PLCL2: variants seen among roughly 807,000 people sequenced by gnomAD.
PLCL2 encodes the protein phospholipase C like 2.
PLCL2 carries 4 observed loss-of-function variants against 79.6 expected under a neutral mutation model. That is an observed-to-expected ratio of 0.05 (90% CI 0.02 to 0.11). The LOEUF (loss-of-function observed/expected upper bound fraction) is 0.11, where lower values mean the gene tolerates loss of function less well. Among genes scored for constraint, PLCL2 ranks in the 10% least tolerant of loss-of-function variants. The pLI is 1.00. For missense variants in PLCL2, 895 were observed against 1,291.0 expected (o/e 0.69, Z 4.70); for synonymous variants, 484 against 457.7 (o/e 1.06, Z -0.73).
chr3:17,009,145 C>T lies in PLCL2; in HGVS notation c.328-529C>T, dbSNP rs564433488. Reference sequence around the variant, plus strand: ...GATTACAGGCACCCGCCACCATGCCCGGCTAATTTTTGTATTTTTAGTAGA... The same window carrying T: ...GATTACAGGCACCCGCCACCATGCCTGGCTAATTTTTGTATTTTTAGTAGA... On this transcript the variant is annotated intron_variant, in intron 1 of 5. Transcript: ENST00000615277. This position sits in a 1 kb window ranked among gnomAD's most constrained non-coding sequence, Gnocchi z 4.0. 2.3e-3 allele frequency among the ~76,000 whole-genome samples: 354 copies of T among 152,136 alleles called. 3 individuals carry two copies. Among genetic ancestry groups the T allele is most frequent in the Non-Finnish European group, 3.9e-3 (264 of 67,994 alleles).
chr3:16,971,195 G>T (rs953925239), intron 1 of PLCL2, among the ~76,000 whole-genome samples: 8 of 151,438 alleles, frequency 5.3e-5, no homozygotes, highest in Admixed American at 4.6e-4. Context: ...TATGGTTTTA[G>T]GTCTAATGTT....
chr3:16,945,737 A>G lies in PLCL2; in HGVS notation c.327+60371A>G, dbSNP rs185302728. On this transcript the variant is annotated intron_variant, in intron 1 of 5. Coordinates refer to ENST00000615277, the MANE Select transcript of PLCL2 (RefSeq NM_001144382.2). ...AATGAATATGTTAACATCAGCAGTC[A>G]TCGGTCATATAGCCACTCTGTTTCC... Among the ~76,000 whole-genome samples the G allele has an allele frequency of 3.2e-3, 493 of 152,350 alleles. 3 individuals are homozygous for G. The highest frequency in any genetic ancestry group is 0.011 in the African/African-American group (452 of 41,590).
At chr3:17,023,543 C>T (rs1164848414) in intron 3 of PLCL2, among the ~76,000 whole-genome samples, 1 of 152,168 alleles carries the variant, frequency 6.6e-6, no homozygotes, top group African/African-American at 2.4e-5. Flanking sequence ...CTTATTCTCT[C>T]TTGCCACCAC....
chr3:17,040,833 C>T (rs2064712242), intron 3 of PLCL2, among the ~76,000 whole-genome samples: 1 of 152,140 alleles, frequency 6.6e-6, no homozygotes, highest in South Asian at 2.1e-4. Context: ...ATGTGTGAGC[C>T]TCTGCTTAAT....
intron 3 of PLCL2, among the ~76,000 whole-genome samples, chr3:17,022,257 T>A (rs1467549728): frequency 2.0e-5 from 3 of 152,226 alleles, no homozygotes; most frequent in Admixed American, 6.5e-5. Context: ...ACTACATTTT[T>A]TATAAAACTA....
At chr3:16,941,872 A>G (rs1166951597) in intron 1 of PLCL2, among the ~76,000 whole-genome samples, 8 of 152,168 alleles carry the variant, frequency 5.3e-5, no homozygotes, top group Admixed American at 6.5e-5. Flanking sequence ...GCACAGTAAA[A>G]AAAAAAAGGC....
intron 4 of PLCL2, among the ~76,000 whole-genome samples, chr3:17,064,312 TTC>T (rs1429641538): frequency 1.0e-4 from 15 of 150,724 alleles, no homozygotes; most frequent in Non-Finnish European, 8.9e-5. Context: ...TATAATCTCA[TTC>T]TCTCTCTCTC....
chr3:16,893,329 G>C (rs1293249403), intron 1 of PLCL2, among the ~76,000 whole-genome samples: 1 of 152,066 alleles, frequency 6.6e-6, no homozygotes, highest in African/African-American at 2.4e-5. Context: ...ACTAGTAATG[G>C]TTTGTTTTTT....
intron 1 of PLCL2, among the ~76,000 whole-genome samples, chr3:16,912,303 A>G (rs976072231): frequency 6.6e-6 from 1 of 152,142 alleles, no homozygotes; most frequent in Non-Finnish European, 1.5e-5. Flanking sequence ...CTTTAACCTT[A>G]GAAGCAAAAC....
chr3:17,089,992 C>G lies in PLCL2; in HGVS notation c.*80C>G. Reference sequence around the variant, plus strand: ...AGATGGGACATTTGCTTTGCACTCACTAATGAGAATAATATTCGGGATTTT... The same window carrying G: ...AGATGGGACATTTGCTTTGCACTCAGTAATGAGAATAATATTCGGGATTTT... On this transcript the variant is annotated 3_prime_UTR_variant, in exon 6 of 6. Coordinates refer to ENST00000615277, the MANE Select transcript of PLCL2 (RefSeq NM_001144382.2). 6.8e-7 allele frequency: 1 copy of G among 1,470,728 alleles called. No homozygotes were observed. 91.1% of individuals were successfully genotyped at this position (1,470,728 alleles called of 1,614,324 possible).
At chr3:16,980,690 G>A (rs1008173248) in intron 1 of PLCL2, among the ~76,000 whole-genome samples, 1 of 152,120 alleles carries the variant, frequency 6.6e-6, no homozygotes, top group South Asian at 2.1e-4. Context: ...CATCCCAGAC[G>A]ATGGGCGGCC....
intron 3 of PLCL2, among the ~76,000 whole-genome samples, chr3:17,030,468 T>C (rs1391985695): frequency 6.6e-6 from 1 of 152,220 alleles, no homozygotes; most frequent in Non-Finnish European, 1.5e-5. Context: ...CCCACTTTGT[T>C]ATTTATACAG....
intron 4 of PLCL2, among the ~76,000 whole-genome samples, chr3:17,045,411 A>G (rs527301332): frequency 1.3e-5 from 2 of 152,264 alleles, no homozygotes; most frequent in East Asian, 1.9e-4. Flanking sequence ...TGTGTAATCT[A>G]TTTTTTACAT....
chr3:17,058,872 A>T (rs1307705458), intron 4 of PLCL2, among the ~76,000 whole-genome samples: 1 of 152,186 alleles, frequency 6.6e-6, no homozygotes, highest in Admixed American at 6.6e-5. Context: ...AGATGTTTGT[A>T]TTAAAGACCC....
chr3:17,084,684 G>T (rs566120215), intron 5 of PLCL2, among the ~76,000 whole-genome samples: 1 of 152,296 alleles, frequency 6.6e-6, no homozygotes, highest in East Asian at 1.9e-4. Context: ...AAAGCTCGTG[G>T]TTGTATCAGT....
intron 1 of PLCL2, among the ~76,000 whole-genome samples, chr3:16,945,801 G>A (rs555742969): frequency 2.0e-5 from 3 of 152,288 alleles, no homozygotes; most frequent in African/African-American, 7.2e-5. Flanking sequence ...AGACCCTGGG[G>A]TCATGGTTCC....
At chr3:17,045,758 G>C (rs2064773632) in intron 4 of PLCL2, among the ~76,000 whole-genome samples, 1 of 152,194 alleles carries the variant, frequency 6.6e-6, no homozygotes, top group Admixed American at 6.5e-5. Flanking sequence ...TCAGGATGAA[G>C]GATGTGAGGT....
At chr3:17,014,957 T>C in intron 3 of PLCL2, 46 bp downstream of exon 3, 1 of 1,467,658 alleles carries the variant, frequency 6.8e-7, no homozygotes, top group Non-Finnish European at 9.5e-7. Context: ...GAGAGAGATA[T>C]CCTAAGACAA....
intron 1 of PLCL2, among the ~76,000 whole-genome samples, chr3:16,917,635 A>T (rs1355391864): frequency 6.6e-6 from 1 of 152,138 alleles, no homozygotes; most frequent in Non-Finnish European, 1.5e-5. Flanking sequence ...TAGCCTCTCC[A>T]CTCATGATAG....
Sources: allele counts gnomAD v4.1 joint callset (sites outside exome capture counted in the v4.1 genomes callset), GRCh38; gene constraint gnomAD v4.1.1; non-coding constraint Gnocchi (gnomAD v3.1); transcripts MANE v1.5; gene names NCBI Gene and HGNC (gene_info 2026-07-23, HGNC 2026-07-21).